Variants in PCLO observed in about 807,000 individuals in gnomAD.
The protein encoded by PCLO is protein piccolo.
PCLO carries 82 observed loss-of-function variants against 427.5 expected under a neutral mutation model. The observed-to-expected ratio is 0.19, with a 90% CI of 0.16 to 0.23. The LOEUF is 0.23. PCLO is among the 10% of genes least tolerant of loss of function. The pLI, the probability that PCLO is intolerant of heterozygous loss-of-function variation, is 1.00. For missense variants in PCLO, 6,239 were observed against 6,115.9 expected, an observed-to-expected ratio of 1.02 and a Z score of -0.67; for synonymous variants, 2,357 against 2,155.4, an observed-to-expected ratio of 1.09 and a Z score of -2.59.
chr7:82,970,662 A>G (rs999340652), intron 3 of PCLO, among the ~76,000 whole-genome samples: 1 of 151,938 alleles, frequency 6.6e-6, no homozygotes, highest in African/African-American at 2.4e-5. Context: ...AAGAGTTGAA[A>G]GAGAACAAAG....
intron 16 of PCLO, among the ~76,000 whole-genome samples, chr7:82,833,276 A>G (rs1015924406): frequency 6.6e-6 from 1 of 152,204 alleles, no homozygotes; most frequent in Non-Finnish European, 1.5e-5. Context: ...AGCTAAAAAT[A>G]ATTATATTCA....
chr7:82,864,329 A>G (rs1390422775), intron 10 of PCLO, among the ~76,000 whole-genome samples: 7 of 152,090 alleles, frequency 4.6e-5, no homozygotes, highest in Non-Finnish European at 7.4e-5. Context: ...TACTCCTACT[A>G]TGGAGTAGGA....
chr7:82,793,039 G>A (rs1222901663), intron 22 of PCLO, among the ~76,000 whole-genome samples: 2 of 149,096 alleles, frequency 1.3e-5, no homozygotes, highest in South Asian at 2.1e-4. Flanking sequence ...AGCTTTCTGC[G>A]TACCTATCTC....
chr7:82,765,162 A>T (rs1790507981), intron 22 of PCLO, among the ~76,000 whole-genome samples: 1 of 151,936 alleles, frequency 6.6e-6, no homozygotes, highest in African/African-American at 2.4e-5. Context: ...CTGAAAAATA[A>T]TGGTAATAAA....
intron 3 of PCLO, among the ~76,000 whole-genome samples, chr7:83,084,309 G>A (rs375903330): frequency 7.9e-5 from 12 of 151,870 alleles, no homozygotes; most frequent in South Asian, 2.1e-4. Flanking sequence ...TGAAATGACC[G>A]TTTTAAGGCT....
At chr7:83,020,364 A>T (rs1788312359) in intron 3 of PCLO, among the ~76,000 whole-genome samples, 1 of 151,720 alleles carries the variant, frequency 6.6e-6, no homozygotes, top group Admixed American at 6.6e-5. Context: ...CTCCCAATTT[A>T]AGTGTGGAAA....
At chr7:82,891,309 G>A (rs1793759583) in intron 9 of PCLO, among the ~76,000 whole-genome samples, 1 of 152,038 alleles carries the variant, frequency 6.6e-6, no homozygotes, top group African/African-American at 2.4e-5. Context: ...CTTTACCACT[G>A]AGTAGCAATG....
intron 3 of PCLO, among the ~76,000 whole-genome samples, chr7:83,083,763 T>G (rs1790161548): frequency 6.6e-6 from 1 of 152,124 alleles, no homozygotes; most frequent in African/African-American, 2.4e-5. Context: ...CAGACAGTAC[T>G]AGTGATGACC....
intron 3 of PCLO, among the ~76,000 whole-genome samples, chr7:83,043,870 G>C (rs931208195): frequency 2.1e-5 from 3 of 140,484 alleles, no homozygotes; most frequent in Non-Finnish European, 4.6e-5. Flanking sequence ...TTCATAAGAA[G>C]CAAAAAAGAG....
chr7:83,147,803 A>C lies in PCLO; in HGVS notation c.1893+6945T>G, dbSNP rs548670872. Among the ~76,000 whole-genome samples the C allele has an allele frequency of 9.2e-5, 14 of 152,354 alleles. No homozygotes were observed. The South Asian group carries it at 2.7e-3, about 29-fold the overall frequency. ...TAGTGCATAAATGTATGGCATAAAA[A>C]GTAAAAGCCTCCCTCACTACCACCA... On this transcript the variant is annotated intron_variant, in intron 2 of 24. Transcript: ENST00000333891.
chr7:82,798,555 A>G (rs1368549662), intron 22 of PCLO, among the ~76,000 whole-genome samples: 1 of 152,196 alleles, frequency 6.6e-6, no homozygotes, highest in Non-Finnish European at 1.5e-5. Flanking sequence ...TGCACTTTGC[A>G]TTGATGTGTC....
intron 22 of PCLO, among the ~76,000 whole-genome samples, chr7:82,776,845 C>CAT (rs1790763154): frequency 2.0e-5 from 3 of 149,806 alleles, no homozygotes; most frequent in African/African-American, 7.4e-5. Context: ...TACACACACA[C>CAT]ATATACACAT....
At chr7:83,078,530 T>TTATTATTATTATTATTATTATTAC (rs1451733380) in intron 3 of PCLO, among the ~76,000 whole-genome samples, 1 of 151,520 alleles carries the variant, frequency 6.6e-6, no homozygotes, top group African/African-American at 2.4e-5. Flanking sequence ...ATTATTATTA[T>TTATTATTATTATTATTATTATTAC]TACTATTATT....
chr7:82,858,206 G>A (rs992872390), intron 10 of PCLO, among the ~76,000 whole-genome samples: 1 of 151,828 alleles, frequency 6.6e-6, no homozygotes, highest in Non-Finnish European at 1.5e-5. Context: ...AAAAAATGAA[G>A]AACAAAAAGC....
chr7:83,040,451 CA>C (rs1788945827), intron 3 of PCLO, among the ~76,000 whole-genome samples: 1 of 152,136 alleles, frequency 6.6e-6, no homozygotes, highest in African/African-American at 2.4e-5. Flanking sequence ...TTGTTTTCAA[CA>C]ACGTCCTGGG....
chr7:82,844,067 C>G (rs1263543359), intron 13 of PCLO, among the ~76,000 whole-genome samples: 1 of 151,956 alleles, frequency 6.6e-6, no homozygotes, highest in Non-Finnish European at 1.5e-5. Flanking sequence ...AGCAATATTG[C>G]ATGAGATGGT....
intron 3 of PCLO, among the ~76,000 whole-genome samples, chr7:83,103,514 T>C (rs889400932): frequency 4.6e-5 from 7 of 152,112 alleles, no homozygotes; most frequent in Middle Eastern, 3.4e-3. Context: ...AATCACTATG[T>C]ATTCCAGTAT....
intron 3 of PCLO, among the ~76,000 whole-genome samples, chr7:83,013,032 G>A (rs1456667708): frequency 6.6e-6 from 1 of 151,996 alleles, no homozygotes; most frequent in African/African-American, 2.4e-5. Context: ...CACACTGCAC[G>A]CCTCCTTGCT....
intron 22 of PCLO, among the ~76,000 whole-genome samples, chr7:82,767,982 G>A (rs1790567151): frequency 6.6e-6 from 1 of 150,604 alleles, no homozygotes; most frequent in African/African-American, 2.5e-5. Context: ...AAAGCAAAAA[G>A]GAGGGAGGGA....
Sources: gnomAD v4.1 joint callset for allele counts (sites outside exome capture counted in the v4.1 genomes callset) on GRCh38, gnomAD v4.1.1 for gene constraint, MANE v1.5 for transcripts, NCBI Gene and HGNC (gene_info 2026-07-23, HGNC 2026-07-21) for gene names.